Variants in SNRPN observed in about 807,000 individuals in gnomAD.
SNRPN encodes the protein small nuclear ribonucleoprotein-associated protein N.
In SNRPN, 7 loss-of-function variants were observed where a neutral mutation model predicts 25.2. The ratio of observed to expected loss-of-function variants is 0.28; its 90% confidence interval spans 0.16 to 0.52. SNRPN has a LOEUF of 0.52. Among genes scored for constraint, SNRPN ranks in the 20% least tolerant of loss-of-function variants. The pLI is 0.96. For synonymous variants in SNRPN, 124 were observed against 110.6 expected (o/e 1.12, Z -0.76); for missense variants, 196 against 322.5 (o/e 0.61, Z 3.00).
chr15:24,954,985 G>T, upstream of SNRPN: 2 of 1,607,852 alleles, frequency 1.2e-6, no homozygotes, highest in South Asian at 2.2e-5. Flanking sequence ...AGCGAGTCTG[G>T]CGCAGAGTGG....
intron 2 of SNRPN, among the ~76,000 whole-genome samples, chr15:24,832,159 C>T (rs1482603823): frequency 1.3e-5 from 2 of 151,652 alleles, no homozygotes; most frequent in Non-Finnish European, 2.9e-5. Context: ...TCTTTATCAA[C>T]ACTAACTTTT....
intron 7 of SNRPN, 80 bp downstream of exon 7, chr15:24,977,109 GTATGTGTCATACAATGTAAACAGCA>G: frequency 8.6e-7 from 1 of 1,157,424 alleles, no homozygotes; most frequent in Admixed American, 2.9e-5. Flanking sequence ...AAACCTAAGT[GTATGTGTCATACAATGTAAACAGCA>G]TATGGTTTAG....
intron 2 of SNRPN, among the ~76,000 whole-genome samples, chr15:24,898,847 G>A (rs752466312): frequency 6.6e-6 from 1 of 152,110 alleles, no homozygotes; most frequent in African/African-American, 2.4e-5. Context: ...TGGGACCAGG[G>A]GCCAATGCTA....
At position 24,977,780 on chromosome 15, in the gene SNRPN, A is replaced by G; in HGVS notation, c.423A>G (p.Val141=). Residue 141 remains valine (V), a splice_region_variant and synonymous_variant, in exon 8 of 10, where the codon GTA becomes GTG. Transcript: ENST00000390687. ...VRGVGGPSQQ[V]MTPQGRGTVA... is the part of the protein sequence containing the mutation. ...TGTTTCCCGCCCTGCCTTCTCAGGT[A>G]ATGACTCCACAGGGAAGAGGCACTG... 6.3e-7 allele frequency: 1 copy of G among 1,598,838 alleles called. No homozygotes were observed.
chr15:24,915,152 G>A (rs1158678202), intron 2 of SNRPN, among the ~76,000 whole-genome samples: 3 of 151,910 alleles, frequency 2.0e-5, no homozygotes, highest in African/African-American at 7.3e-5. Flanking sequence ...TTTTGAGACA[G>A]AGTCTCGCTC....
chr15:24,952,440 A>G (rs1566945541), upstream of SNRPN, among the ~76,000 whole-genome samples: 1 of 152,146 alleles, frequency 6.6e-6, no homozygotes, highest in Non-Finnish European at 1.5e-5. Flanking sequence ...TTTAGTGGCA[A>G]TGTCTCCTTC....
intron 3 of SNRPN, among the ~76,000 whole-genome samples, chr15:24,924,933 G>A (rs1237883205): frequency 6.6e-6 from 1 of 152,124 alleles, no homozygotes; most frequent in Non-Finnish European, 1.5e-5. Context: ...CGTGAAAACT[G>A]GGATGATAAA....
At chr15:24,894,733 CAG>C (rs1435873782) in intron 2 of SNRPN, among the ~76,000 whole-genome samples, 1 of 152,172 alleles carries the variant, frequency 6.6e-6, no homozygotes, top group Non-Finnish European at 1.5e-5. Context: ...GAACTACTGA[CAG>C]AGATCTGGGA....
intron 2 of SNRPN, among the ~76,000 whole-genome samples, chr15:24,890,021 G>C (rs1354222780): frequency 7.2e-6 from 1 of 138,970 alleles, no homozygotes; most frequent in African/African-American, 2.7e-5. Flanking sequence ...CTGCACTCCA[G>C]CCTAGGTGAG....
At chr15:24,864,895 G>T (rs2054420085) in intron 1 of SNRPN, among the ~76,000 whole-genome samples, 1 of 151,638 alleles carries the variant, frequency 6.6e-6, no homozygotes, top group African/African-American at 2.4e-5. Flanking sequence ...GGGGTTTTAG[G>T]GTATATATTT....
At chr15:24,854,988 AG>A (rs1330361758), upstream of SNRPN, among the ~76,000 whole-genome samples, 1 of 134,362 alleles carries the variant, frequency 7.4e-6, no homozygotes, top group Non-Finnish European at 1.6e-5. Flanking sequence ...TGGGTGACAG[AG>A]CGAGACTCCG....
chr15:24,896,878 A>C (rs561015985), intron 2 of SNRPN, among the ~76,000 whole-genome samples: 3 of 152,162 alleles, frequency 2.0e-5, no homozygotes, highest in Non-Finnish European at 4.4e-5. Context: ...GAGTCTGCGC[A>C]CAGTGGTTCA....
upstream of SNRPN, among the ~76,000 whole-genome samples, chr15:24,854,356 C>T (rs2146130164): frequency 6.6e-6 from 1 of 152,264 alleles, no homozygotes; most frequent in East Asian, 1.9e-4. Context: ...CAAAAAATGG[C>T]CATAAAGGGC....
intron 1 of SNRPN, among the ~76,000 whole-genome samples, chr15:24,867,861 T>C (rs867488437): frequency 6.6e-6 from 1 of 152,056 alleles, no homozygotes; most frequent in African/African-American, 2.4e-5. Context: ...TTCCTCCTCC[T>C]GTCTTCCATT....
At chr15:24,842,716 G>T (rs1222679726) in intron 2 of SNRPN, among the ~76,000 whole-genome samples, 3 of 152,202 alleles carry the variant, frequency 2.0e-5, no homozygotes, top group Non-Finnish European at 4.4e-5. Context: ...GGTTGTTCCA[G>T]ACAGTCCCTC....
chr15:24,846,544 A>G (rs1243492685), intron 2 of SNRPN, among the ~76,000 whole-genome samples: 2 of 152,230 alleles, frequency 1.3e-5, no homozygotes, highest in Non-Finnish European at 2.9e-5. Context: ...TGGGCATACA[A>G]ACCAAATTTA....
intron 3 of SNRPN, 29 bp downstream of exon 3, chr15:24,968,111 ATAAAGAATCAT>A: frequency 7.8e-7 from 1 of 1,287,638 alleles, no homozygotes; most frequent in Non-Finnish European, 1.1e-6. Context: ...ATGATCAAGA[ATAAAGAATCAT>A]TAAAGAATGG....
At chr15:24,930,426 G>T (rs1364196331) in intron 3 of SNRPN, among the ~76,000 whole-genome samples, 1 of 151,486 alleles carries the variant, frequency 6.6e-6, no homozygotes, top group Admixed American at 6.6e-5. Context: ...ATTGCCTTCA[G>T]AAATCTGTCT....
At chr15:24,918,396 A>G (rs58490064) in intron 2 of SNRPN, among the ~76,000 whole-genome samples, 13 of 76,380 alleles carry the variant, frequency 1.7e-4, no homozygotes, top group East Asian at 3.3e-4. Flanking sequence ...ATATATGTGT[A>G]TATATATAAC....
Sources: gnomAD v4.1 joint callset for allele counts (sites outside exome capture counted in the v4.1 genomes callset) on GRCh38, gnomAD v4.1.1 for gene constraint, MANE v1.5 for transcripts, NCBI Gene and HGNC (gene_info 2026-07-23, HGNC 2026-07-21) for gene names.